The following FGF12 variants were observed in gnomAD, a reference collection of about 807,000 sequenced individuals.
FGF12 encodes the protein fibroblast growth factor 12.
In FGF12, 14 loss-of-function variants were observed where a neutral mutation model predicts 23.6. The ratio of observed to expected loss-of-function variants is 0.59; its 90% CI spans 0.39 to 0.93. The LOEUF is 0.93. Among genes scored for constraint, FGF12 ranks in the 40% least tolerant of loss-of-function variants. FGF12 has a pLI of 0.00. For synonymous variants in FGF12, 62 were observed against 77.3 expected, an observed-to-expected ratio of 0.80 and a Z score of 1.04; for missense variants, 175 against 217.8, an observed-to-expected ratio of 0.80 and a Z score of 1.24.
At chr3:192,380,578 G>T (rs1719772884) in intron 2 of FGF12, among the ~76,000 whole-genome samples, 1 of 152,166 alleles carries the variant, frequency 6.6e-6, no homozygotes, top group Non-Finnish European at 1.5e-5. Flanking sequence ...TAACAATTAT[G>T]TTATTTCAGA....
Position 192,714,054 on chromosome 3 carries a change from A to G in FGF12, c.13+13127T>C, listed in dbSNP as rs138625194. Among the ~76,000 whole-genome samples the G allele has an allele frequency of 5.9e-5, 9 of 152,314 alleles. No individual in the cohort carries two copies. In the East Asian group the frequency reaches 1.5e-3, roughly 26 times the overall value. ...CAGTTCTGAGATACTTAAAATAATAATATCTACATTTTATTGAATGCTTAT... is the reference window on the plus strand; with the variant it reads ...CAGTTCTGAGATACTTAAAATAATAGTATCTACATTTTATTGAATGCTTAT... On this transcript the variant is annotated intron_variant, in intron 2 of 5. Coordinates refer to ENST00000445105, the MANE Select transcript of FGF12 (RefSeq NM_004113.6).
intron 2 of FGF12, among the ~76,000 whole-genome samples, chr3:192,433,027 C>T (rs902650685): frequency 3.3e-5 from 5 of 152,168 alleles, no homozygotes; most frequent in East Asian, 3.9e-4. Context: ...GATCGTCAAA[C>T]GTGAGAATCC....
At chr3:192,260,862 G>C (rs1712701062) in intron 4 of FGF12, among the ~76,000 whole-genome samples, 1 of 152,096 alleles carries the variant, frequency 6.6e-6, no homozygotes, top group Non-Finnish European at 1.5e-5. Context: ...CTGAAAGCCT[G>C]ACCAGCTGCT....
At chr3:192,564,043 T>TG (rs1404243895) in intron 2 of FGF12, among the ~76,000 whole-genome samples, 3 of 151,790 alleles carry the variant, frequency 2.0e-5, no homozygotes, top group Admixed American at 6.6e-5. Flanking sequence ...TTTTGTTTTT[T>TG]TTTGTTTGTT....
intron 2 of FGF12, among the ~76,000 whole-genome samples, chr3:192,706,381 A>G (rs1204568054): frequency 2.0e-5 from 3 of 152,128 alleles, no homozygotes; most frequent in Non-Finnish European, 4.4e-5. Context: ...ATGACGTAAC[A>G]GAAGCACATG....
At chr3:192,232,662 A>T (rs1310030078) in intron 4 of FGF12, among the ~76,000 whole-genome samples, 1 of 152,036 alleles carries the variant, frequency 6.6e-6, no homozygotes, top group African/African-American at 2.4e-5. Context: ...ATAGTGGCAT[A>T]GTACTTGATA....
At chr3:192,576,182 A>G (rs183574221) in intron 2 of FGF12, among the ~76,000 whole-genome samples, 3 of 152,330 alleles carry the variant, frequency 2.0e-5, no homozygotes, top group Non-Finnish European at 2.9e-5. Flanking sequence ...AAGAAAAATA[A>G]TGAATGTTGC....
intron 2 of FGF12, among the ~76,000 whole-genome samples, chr3:192,438,553 A>G (rs991270027): frequency 6.6e-6 from 1 of 152,234 alleles, no homozygotes; most frequent in African/African-American, 2.4e-5. Context: ...TCCTGGTGCC[A>G]GTGCAGTGAA....
At chr3:192,722,901 A>C (rs537115945) in intron 2 of FGF12, among the ~76,000 whole-genome samples, 28 of 152,342 alleles carry the variant, frequency 1.8e-4, no homozygotes, top group African/African-American at 6.7e-4. Flanking sequence ...CATTGGGTAC[A>C]TATCAGATGC....
At chr3:192,404,789 T>C (rs1720896526) in intron 2 of FGF12, among the ~76,000 whole-genome samples, 1 of 152,202 alleles carries the variant, frequency 6.6e-6, no homozygotes, top group Admixed American at 6.5e-5. Flanking sequence ...CCATTAACCC[T>C]AGCTGCCTAT....
At chr3:192,619,946 G>T (rs1026841014) in intron 2 of FGF12, among the ~76,000 whole-genome samples, 7 of 152,100 alleles carry the variant, frequency 4.6e-5, no homozygotes, top group African/African-American at 1.7e-4. Flanking sequence ...TTGGGGACAG[G>T]TAGCTGAGAT....
chr3:192,537,572 T>A (rs1296122449), intron 2 of FGF12, among the ~76,000 whole-genome samples: 2 of 152,210 alleles, frequency 1.3e-5, no homozygotes, highest in African/African-American at 4.8e-5. Flanking sequence ...CATATTGTTA[T>A]ATACCACTTC....
rs565775271 is a variant in FGF12 at position 192,188,393 on chromosome 3, C to A, written c.229-17737G>T. Among the ~76,000 whole-genome samples the A allele has an allele frequency of 1.4e-4, 21 of 152,270 alleles. No individual in the cohort carries two copies. The East Asian group carries it at 4.1e-3, about 29-fold the overall frequency. On this transcript the variant is annotated intron_variant, in intron 4 of 5. Transcript: ENST00000445105. The stretch of plus-strand genomic sequence containing the variant: ...GTTGCTTTCCTGAGGTGGTACTTAA[C>A]CTCCAATTAGAGAATGCCGCCACTA...
chr3:192,309,662 G>C (rs1439924444), intron 4 of FGF12, among the ~76,000 whole-genome samples: 1 of 152,136 alleles, frequency 6.6e-6, no homozygotes, highest in Non-Finnish European at 1.5e-5. Context: ...GGGTCTTAAA[G>C]AAGAAACAGG....
chr3:192,477,642 GGA>G (rs1243083138), intron 2 of FGF12, among the ~76,000 whole-genome samples: 1 of 152,116 alleles, frequency 6.6e-6, no homozygotes, highest in Non-Finnish European at 1.5e-5. Flanking sequence ...GAATGGGAGT[GGA>G]GAGAGGGGAA....
chr3:192,412,475 T>C, intron 2 of FGF12, among the ~76,000 whole-genome samples: 1 of 152,242 alleles, frequency 6.6e-6, no homozygotes, highest in East Asian at 1.9e-4. Context: ...GGGAGCAACA[T>C]TCTTTCTGTG....
chr3:192,378,026 T>TTTTCTTTCTTCCTTTCTTTC (rs1719607556), intron 2 of FGF12, among the ~76,000 whole-genome samples: 1 of 69,442 alleles, frequency 1.4e-5, no homozygotes, highest in Non-Finnish European at 2.7e-5. Flanking sequence ...TGACTCTTTC[T>TTTTCTTTCTTCCTTTCTTTC]TTTCTTTCTT....
chr3:192,561,512 G>A (rs1487967552), intron 2 of FGF12, among the ~76,000 whole-genome samples: 5 of 152,154 alleles, frequency 3.3e-5, no homozygotes, highest in East Asian at 3.9e-4. Flanking sequence ...ACAGGCACCC[G>A]CCACCACGCC....
At chr3:192,491,386 CA>C (rs1169584935) in intron 2 of FGF12, among the ~76,000 whole-genome samples, 1 of 152,038 alleles carries the variant, frequency 6.6e-6, no homozygotes, top group Non-Finnish European at 1.5e-5. Context: ...ACATAGGTAC[CA>C]AAAATCAGCT....
Sources: gnomAD v4.1 joint callset for allele counts (sites outside exome capture counted in the v4.1 genomes callset) on GRCh38, gnomAD v4.1.1 for gene constraint, MANE v1.5 for transcripts, NCBI Gene and HGNC (gene_info 2026-07-23, HGNC 2026-07-21) for gene names.